Variants in KCNIP2 observed in about 807,000 individuals in gnomAD.
KCNIP2 encodes the protein A-type potassium channel modulatory protein KCNIP2.
Under a neutral mutation model 39.0 loss-of-function variants are expected in KCNIP2, and 19 were observed. The observed-to-expected ratio is 0.49, with a 90% CI of 0.34 to 0.71. The LOEUF is 0.71. Among genes scored for constraint, KCNIP2 ranks in the 30% least tolerant of loss-of-function variants. The probability of loss-of-function intolerance (pLI) is 0.01; values close to 1 mark genes in which losing one functional copy is unlikely to be tolerated. For synonymous variants in KCNIP2, 111 were observed against 131.2 expected (o/e 0.85, Z 1.05); for missense variants, 261 against 346.0 (o/e 0.75, Z 1.95).
chr10:101,843,579 G>A lies in KCNIP2; in HGVS notation c.-11C>T. 2.7e-6 allele frequency: 4 copies of A among 1,508,950 alleles called. No homozygotes were observed. The highest frequency in any genetic ancestry group is 3.6e-6 in the Non-Finnish European group (4 of 1,126,558). 93.5% of individuals were successfully genotyped at this position (1,508,950 alleles called of 1,614,324 possible). On this transcript the variant is annotated 5_prime_UTR_variant, in exon 1 of 10. Coordinates refer to ENST00000356640, the MANE Select transcript of KCNIP2 (RefSeq NM_173191.3). This position sits in a 1 kb window ranked among gnomAD's most constrained non-coding sequence, Gnocchi z 6.7. ...GCCCTGGCCCCGCATGGCCCCCGGC[G>A]CCCCGCTCCCGCCCGGGCCGTGGGA... is the stretch of plus-strand genomic sequence containing the variant.
chr10:101,827,871 C>T lies in KCNIP2; in HGVS notation c.702+18G>A, dbSNP rs1157651020. ...TCCCTTCACTCCAGGGCCCTCCAGC[C>T]TACCCACTCCCAAGTACCTGGAAGA... On this transcript the variant is annotated intron_variant, in intron 8 of 9. Coordinates refer to ENST00000356640, the MANE Select transcript of KCNIP2 (RefSeq NM_173191.3). The T allele has an allele frequency of 6.3e-7, 1 of 1,599,352 alleles. No individual in the cohort carries two copies. The highest frequency in any genetic ancestry group is 2.2e-5 in the East Asian group (1 of 44,808).
At chr10:101,840,702 C>T (rs1489028682) in intron 1 of KCNIP2, among the ~76,000 whole-genome samples, 4 of 152,180 alleles carry the variant, frequency 2.6e-5, no homozygotes, top group Non-Finnish European at 5.9e-5. Context: ...GCTCTTTCGA[C>T]TGGGATCCCG....
At chr10:101,839,321 G>A (rs2066249869) in intron 1 of KCNIP2, among the ~76,000 whole-genome samples, 1 of 152,132 alleles carries the variant, frequency 6.6e-6, no homozygotes, top group African/African-American at 2.4e-5. Context: ...GCCCATCTCA[G>A]GGTTTTTTCC....
chr10:101,843,685 G>T lies in KCNIP2; in HGVS notation c.-117C>A. On this transcript the variant is annotated 5_prime_UTR_variant, in exon 1 of 10. Transcript: ENST00000356640. The surrounding 1 kb of genome is among the most constrained non-coding windows in gnomAD (Gnocchi z 6.7). ...TGTGCTGTCGGGGCTGGGGAAGTCC[G>T]GGCTGAGGCTGAGTCTGGGAATGGG... 1 of 508,798 alleles carries T rather than the reference G, an allele frequency of 2.0e-6. No individual in the cohort carries two copies. 31.5% of individuals were successfully genotyped at this position (508,798 alleles called of 1,614,324 possible). A position where few individuals can be genotyped will look rare whatever the true frequency, so the allele number is the denominator to read the frequency against.
chr10:101,828,883 A>G lies in KCNIP2; in HGVS notation c.349-187T>C, dbSNP rs779165923. On this transcript the variant is annotated intron_variant, in intron 4 of 9. Transcript: ENST00000356640. This position sits in a 1 kb window ranked among gnomAD's most constrained non-coding sequence, Gnocchi z 6.6. The stretch of plus-strand genomic sequence containing the variant: ...GTGCACAAATAAAAAACATGGAACG[A>G]AACTGACAGTCTACAGGCGCCACTT... 6 of 1,543,830 alleles carry G rather than the reference A, an allele frequency of 3.9e-6. No individual in the cohort carries two copies. In the East Asian group the frequency reaches 1.2e-4, roughly 31 times the overall value.
chr10:101,828,373 AC>A lies in KCNIP2; in HGVS notation c.489+15del, dbSNP rs1413861520. ...TCCAGGAAACAGGCTTCCCTGGCCCACCTCGCCCAGCTCACCTCAAAACTGA... is the reference window on the plus strand; with the variant it reads ...TCCAGGAAACAGGCTTCCCTGGCCCACTCGCCCAGCTCACCTCAAAACTGA... On this transcript the variant is annotated intron_variant, in intron 6 of 9. Coordinates refer to ENST00000356640, the MANE Select transcript of KCNIP2 (RefSeq NM_173191.3). The surrounding 1 kb of genome is among the most constrained non-coding windows in gnomAD (Gnocchi z 6.6). 6.2e-7 allele frequency: 1 copy of A among 1,613,976 alleles called. No homozygotes were observed. Among genetic ancestry groups the A allele is most frequent in the Admixed American group, 1.7e-5 (1 of 60,010 alleles).
chr10:101,830,972 G>T, intron 2 of KCNIP2, 100 bp downstream of exon 2: 1 of 1,057,236 alleles, frequency 9.5e-7, no homozygotes, highest in Non-Finnish European at 1.4e-6. Flanking sequence ...CCTGGAGCAT[G>T]CGCACACTCG....
At chr10:101,840,397 C>CA (rs2066294811) in intron 1 of KCNIP2, among the ~76,000 whole-genome samples, 1 of 151,866 alleles carries the variant, frequency 6.6e-6, no homozygotes, top group Non-Finnish European at 1.5e-5. Flanking sequence ...AAAGAAGAGG[C>CA]AGCAGAGTTG....
Position 101,827,167 on chromosome 10 carries a change from C to T in KCNIP2, c.*186G>A. 1 of 1,305,010 alleles carries T rather than the reference C, an allele frequency of 7.7e-7. No homozygotes were observed. The highest frequency in any genetic ancestry group is 2.9e-5 in the Admixed American group (1 of 34,306). The allele number at this position is 1,305,010 out of a possible 1,614,324, so 80.8% of individuals were successfully genotyped here. A position where few individuals can be genotyped will look rare whatever the true frequency, so the allele number is the denominator to read the frequency against. Reference sequence around the variant, plus strand: ...AGTTGGGAACACCCCCCGAGATGCACTCTGCCCACTCTCTGGCCCCTTCAG... The same window carrying T: ...AGTTGGGAACACCCCCCGAGATGCATTCTGCCCACTCTCTGGCCCCTTCAG... On this transcript the variant is annotated 3_prime_UTR_variant, in exon 10 of 10. Coordinates refer to ENST00000356640, the MANE Select transcript of KCNIP2 (RefSeq NM_173191.3).
intron 1 of KCNIP2, chr10:101,839,956 A>G (rs1315751525): frequency 1.8e-5 from 17 of 920,094 alleles, no homozygotes; most frequent in Non-Finnish European, 2.6e-5. Context: ...CCCGGCAGGC[A>G]TAGGATCGAA....
At chr10:101,829,337 G>T in intron 3 of KCNIP2, 138 bp from the exon 4 acceptor site, 2 of 1,145,416 alleles carry the variant, frequency 1.7e-6, no homozygotes, top group Non-Finnish European at 2.4e-6. Context: ...CCTGGGCCCC[G>T]AGCCAAGGAC....
chr10:101,830,759 C>G (rs978217919), intron 2 of KCNIP2, among the ~76,000 whole-genome samples: 5 of 144,298 alleles, frequency 3.5e-5, no homozygotes, highest in Non-Finnish European at 7.6e-5. Context: ...GCGTGCGGCA[C>G]GCCTCCCCAT....
At chr10:101,834,518 C>G (rs1351770544) in intron 1 of KCNIP2, 1 of 397,230 alleles carries the variant, frequency 2.5e-6, no homozygotes, top group Non-Finnish European at 4.4e-6. Flanking sequence ...CTTCCTCTCC[C>G]CCATCACCCC....
chr10:101,836,199 C>T (rs2066152394), intron 1 of KCNIP2, among the ~76,000 whole-genome samples: 1 of 152,046 alleles, frequency 6.6e-6, no homozygotes, highest in South Asian at 2.1e-4. Context: ...CAGTACCATA[C>T]ACCTTCCTTC....
rs1385087664 is a variant in KCNIP2, at chr10:101,828,679, A to T, written c.366T>A (p.Ile122=). ...RGFKNECPSG[I]VNEENFKQIY... Reference sequence around the variant, plus strand: ...TCTGCTTGAAGTTCTCCTCATTGACAATTCCGCTGGGACATTCCTGGAAGG... The same window carrying T: ...TCTGCTTGAAGTTCTCCTCATTGACTATTCCGCTGGGACATTCCTGGAAGG... The change falls in exon 5 of 10, where the codon ATT becomes ATA. Residue 122 remains isoleucine, a synonymous_variant. Coordinates refer to ENST00000356640, the MANE Select transcript of KCNIP2 (RefSeq NM_173191.3). This position sits in a 1 kb window ranked among gnomAD's most constrained non-coding sequence, Gnocchi z 6.6. The T allele has an allele frequency of 1.9e-6, 3 of 1,613,996 alleles. No homozygotes were observed. The African/African-American group carries it at 4.0e-5, about 22-fold the overall frequency.
intron 3 of KCNIP2, chr10:101,829,416 C>T: frequency 1.7e-6 from 1 of 578,234 alleles, no homozygotes; most frequent in South Asian, 2.7e-5. Flanking sequence ...TGGCCTGGCC[C>T]CAGAGCCAGG....
At chr10:101,833,935 C>T (rs1487646037) in intron 1 of KCNIP2, among the ~76,000 whole-genome samples, 2 of 151,974 alleles carry the variant, frequency 1.3e-5, no homozygotes, top group Non-Finnish European at 2.9e-5. Flanking sequence ...ACACTCCTTC[C>T]CTATCTCCAG....
chr10:101,828,888 GAC>G lies in KCNIP2; in HGVS notation c.348+185_348+186del. ...CAAATAAAAAACATGGAACGAAACTGACAGTCTACAGGCGCCACTTCCGTTCT... is the reference window on the plus strand; with the variant it reads ...CAAATAAAAAACATGGAACGAAACTGAGTCTACAGGCGCCACTTCCGTTCT... On this transcript the variant is annotated intron_variant, in intron 4 of 9. Transcript: ENST00000356640. This position sits in a 1 kb window ranked among gnomAD's most constrained non-coding sequence, Gnocchi z 6.6. 2 of 1,541,582 alleles carry G rather than the reference GAC, an allele frequency of 1.3e-6. No individual in the cohort carries two copies. The highest frequency in any genetic ancestry group is 1.8e-6 in the Non-Finnish European group (2 of 1,142,730).
At chr10:101,841,032 A>G (rs1421295077) in intron 1 of KCNIP2, among the ~76,000 whole-genome samples, 1 of 152,192 alleles carries the variant, frequency 6.6e-6, no homozygotes, top group Non-Finnish European at 1.5e-5. Context: ...CGCACTGCCC[A>G]GCGGCCCCGC....
Sources: allele counts gnomAD v4.1 joint callset (sites outside exome capture counted in the v4.1 genomes callset), GRCh38; gene constraint gnomAD v4.1.1; non-coding constraint Gnocchi (gnomAD v3.1); transcripts MANE v1.5; gene names NCBI Gene and HGNC (gene_info 2026-07-23, HGNC 2026-07-21).